EIF2AK4: variants seen among roughly 807,000 people sequenced by gnomAD.
EIF2AK4 encodes eukaryotic translation initiation factor 2 alpha kinase 4.
A neutral mutation model predicts 211.1 loss-of-function variants in EIF2AK4; 139 were observed. The ratio of observed to expected loss-of-function variants is 0.66; its 90% CI spans 0.57 to 0.76. EIF2AK4 has a LOEUF of 0.76. EIF2AK4 is among the 30% of genes least tolerant of loss of function. EIF2AK4 has a pLI of 0.00. For missense variants in EIF2AK4, 1,664 were observed against 2,043.8 expected, an observed-to-expected ratio of 0.81 and a Z score of 3.58; for synonymous variants, 710 against 751.3, an observed-to-expected ratio of 0.94 and a Z score of 0.90.
rs1244828388 is a variant in EIF2AK4 at position 40,030,407 on chromosome 15, T to C, written c.4610T>C (p.Leu1537Pro). 1.2e-6 allele frequency: 2 copies of C among 1,614,122 alleles called. No individual in the cohort carries two copies. The highest frequency in any genetic ancestry group is 1.3e-5 in the African/African-American group (1 of 75,032). ...ACAGTGGTTCCCATTGTGAGTGTGC[T>C]AGCCCCGGAGAAGCTGTCAGCCAGC... ...GATVVPIVSV[L>P]APEKLSASTR... Residue 1537 changes from leucine (L) to proline (P), a missense_variant, in exon 35 of 39, where the codon CTA becomes CCA. Leu to Pro is a moderately conservative substitution (Grantham distance 98). Transcript: ENST00000263791.
At chr15:39,945,840 C>G (rs562073691) in intron 3 of EIF2AK4, among the ~76,000 whole-genome samples, 1 of 152,314 alleles carries the variant, frequency 6.6e-6, no homozygotes, top group Admixed American at 6.5e-5. Flanking sequence ...AAGAATTATG[C>G]TAAATCTCCT....
chr15:40,023,019 G>T (rs1001910187), intron 32 of EIF2AK4, among the ~76,000 whole-genome samples: 1 of 152,080 alleles, frequency 6.6e-6, no homozygotes, highest in Non-Finnish European at 1.5e-5. Context: ...CAGCCACCGC[G>T]CCCGGCCGTT....
chr15:39,986,596 G>A (rs879525694), intron 14 of EIF2AK4, among the ~76,000 whole-genome samples: 7 of 152,356 alleles, frequency 4.6e-5, no homozygotes, highest in Non-Finnish European at 1.0e-4. Flanking sequence ...GCTTACGCCT[G>A]CAATCCCAGC....
intron 27 of EIF2AK4, among the ~76,000 whole-genome samples, chr15:40,015,905 A>G (rs2035297233): frequency 6.6e-6 from 1 of 152,248 alleles, no homozygotes; most frequent in Non-Finnish European, 1.5e-5. Context: ...CTGTGAGATC[A>G]ATCATCTCTA....
intron 7 of EIF2AK4, 101 bp from the exon 8 acceptor site, chr15:39,965,585 A>T: frequency 7.7e-7 from 1 of 1,300,504 alleles, no homozygotes; most frequent in Non-Finnish European, 1.1e-6. Context: ...AGCGCATGGT[A>T]TCCATTGTTG....
intron 13 of EIF2AK4, among the ~76,000 whole-genome samples, chr15:39,978,755 T>C (rs2034736803): frequency 6.6e-6 from 1 of 152,228 alleles, no homozygotes; most frequent in Non-Finnish European, 1.5e-5. Flanking sequence ...TTTTTTGAGA[T>C]TGTGCTGTTT....
intron 2 of EIF2AK4, among the ~76,000 whole-genome samples, chr15:39,939,923 G>A (rs570035909): frequency 1.8e-3 from 268 of 152,294 alleles, no homozygotes; most frequent in African/African-American, 6.2e-3. Context: ...GGAAAATTTG[G>A]AAGAAAACAA....
intron 6 of EIF2AK4, among the ~76,000 whole-genome samples, chr15:39,959,157 G>T (rs2034432869): frequency 6.6e-6 from 1 of 152,066 alleles, no homozygotes; most frequent in African/African-American, 2.4e-5. Context: ...CCATACTCTA[G>T]AATAGATCAT....
chr15:39,952,390 C>T (rs2034331176), intron 4 of EIF2AK4, among the ~76,000 whole-genome samples: 1 of 151,480 alleles, frequency 6.6e-6, no homozygotes, highest in Admixed American at 6.6e-5. Context: ...ATCCTCCCGC[C>T]TAAGCTGCCT....
In EIF2AK4 at chr15:39,978,089, A is replaced by G. The variant is rs771796205; in HGVS notation, c.2261A>G (p.Asp754Gly). 5 of 1,596,520 alleles carry G rather than the reference A, an allele frequency of 3.1e-6. No homozygotes were observed. The Admixed American group carries it at 5.0e-5, about 16-fold the overall frequency. Residue 754 changes from aspartate to glycine, a missense_variant, in exon 13 of 39, where the codon GAT becomes GGT. By Grantham distance (94) the Asp-to-Gly change is moderately conservative. Around this residue, in one of 7 missense-constraint regions of EIF2AK4, gnomAD observed 206 missense variants for 201.9 expected, o/e 1.02. Coordinates refer to ENST00000263791, the MANE Select transcript of EIF2AK4 (RefSeq NM_001013703.4). Reference protein sequence around the residue: ...VFSQSFLPASDSESDIIFDNE... With the variant: ...VFSQSFLPASGSESDIIFDNE... The stretch of plus-strand genomic sequence containing the variant: ...TTTCCCTTTTTCAGGCCTGCTTCAG[A>G]TTCTGAAAGTGATATTATCTTTGAC...
intron 13 of EIF2AK4, among the ~76,000 whole-genome samples, chr15:39,983,008 G>A (rs1015047240): frequency 5.3e-5 from 8 of 152,260 alleles, no homozygotes; most frequent in Middle Eastern, 3.4e-3. Context: ...ATAAACATAC[G>A]TGTGCATGTG....
intron 13 of EIF2AK4, among the ~76,000 whole-genome samples, chr15:39,983,235 A>G (rs1022940419): frequency 1.3e-5 from 2 of 152,182 alleles, no homozygotes; most frequent in African/African-American, 4.8e-5. Context: ...AATGATCACC[A>G]TTCTAACTGG....
chr15:40,020,165 C>A (rs375967930), intron 30 of EIF2AK4, among the ~76,000 whole-genome samples: 227 of 132,198 alleles, frequency 1.7e-3, no homozygotes, highest in Admixed American at 2.1e-3. Flanking sequence ...CAGACCCTGT[C>A]AAAAAAAAAA....
In EIF2AK4 at chr15:40,002,718, C is replaced by T. The variant is rs2035109289; in HGVS notation, c.3165C>T (p.Asn1055=). 2 of 1,614,196 alleles carry T rather than the reference C, an allele frequency of 1.2e-6. No homozygotes were observed. Among genetic ancestry groups the T allele is most frequent in the Non-Finnish European group, 1.7e-6 (2 of 1,180,020 alleles). The part of the protein sequence containing the change: ...YTYDSDILKG[N]FSIRTAKMQQ... ...TTTAATCGGTCCTGTTTTAGGGCAA[C>T]TTCTCAATCCGTACAGCCAAGATGC... Residue 1055 remains asparagine, a synonymous_variant, in exon 22 of 39, where the codon AAC becomes AAT. Coordinates refer to ENST00000263791, the MANE Select transcript of EIF2AK4 (RefSeq NM_001013703.4).
chr15:39,987,934 C>T (rs915955193), intron 14 of EIF2AK4, 49 bp from the exon 15 acceptor site: 2 of 1,598,844 alleles, frequency 1.3e-6, no homozygotes, highest in East Asian at 2.2e-5. Context: ...TATACTCCTT[C>T]ACTTAAAACT....
At chr15:39,956,439 A>G (rs2140906648) in intron 6 of EIF2AK4, among the ~76,000 whole-genome samples, 1 of 152,320 alleles carries the variant, frequency 6.6e-6, no homozygotes, top group East Asian at 1.9e-4. Flanking sequence ...GTTTCAGTCT[A>G]CAATGCCTTA....
chr15:39,983,244 G>A (rs1408177343), intron 13 of EIF2AK4, among the ~76,000 whole-genome samples: 2 of 152,188 alleles, frequency 1.3e-5, no homozygotes, highest in Non-Finnish European at 2.9e-5. Flanking sequence ...CATTCTAACT[G>A]GAGTGAGATA....
At position 40,017,126 on chromosome 15, in the gene EIF2AK4, T is replaced by G. The variant is rs1190791588; in HGVS notation, c.3949T>G (p.Leu1317Val). The change falls in exon 29 of 39, where the codon TTG becomes GTG. Residue 1317 changes from leucine to valine, a missense_variant. Leu to Val is a conservative substitution (Grantham distance 32). Around this residue, in one of 7 missense-constraint regions of EIF2AK4, gnomAD observed 622 missense variants for 796.8 expected, o/e 0.78. Coordinates refer to ENST00000263791, the MANE Select transcript of EIF2AK4 (RefSeq NM_001013703.4). Reference protein sequence around the residue: ...IKLQVLINLGLVYKVQQHNGI... With the variant: ...IKLQVLINLGVVYKVQQHNGI... ...TTTATAGGTCTTGATCAATTTGGGC[T>G]TGGTTTACAAGGTGCAGCAGCACAA... 1.2e-6 allele frequency: 2 copies of G among 1,613,336 alleles called. No homozygotes were observed. The highest frequency in any genetic ancestry group is 2.7e-5 in the African/African-American group (2 of 74,912).
chr15:39,986,201 CTATA>C (rs111528554), intron 14 of EIF2AK4, among the ~76,000 whole-genome samples: 2,198 of 152,308 alleles, frequency 0.014, 59 homozygotes, highest in African/African-American at 0.05. Flanking sequence ...GTTTCCCCAT[CTATA>C]AATTACATAA....
Sources: gnomAD v4.1 joint callset for allele counts (sites outside exome capture counted in the v4.1 genomes callset) on GRCh38, gnomAD v4.1.1 for gene constraint, gnomAD v4.1.1 regional missense constraint, MANE v1.5 for transcripts, NCBI Gene and HGNC (gene_info 2026-07-23, HGNC 2026-07-21) for gene names.